Variants in RASGEF1A observed in about 807,000 individuals in gnomAD.
RASGEF1A encodes the protein ras-GEF domain-containing family member 1A.
Under a neutral mutation model 56.4 loss-of-function variants are expected in RASGEF1A, and 18 were observed. The ratio of observed to expected loss-of-function variants is 0.32; its 90% CI spans 0.22 to 0.47. RASGEF1A has a LOEUF of 0.47. Ranked by LOEUF, RASGEF1A falls within the 20% of genes least tolerant of loss-of-function variation. RASGEF1A has a pLI of 1.00. For synonymous variants in RASGEF1A, 245 were observed against 242.6 expected, an observed-to-expected ratio of 1.01 and a Z score of -0.09; for missense variants, 422 against 627.1, an observed-to-expected ratio of 0.67 and a Z score of 3.49.
At chr10:43,265,566 G>T (rs113217789) in intron 1 of RASGEF1A, among the ~76,000 whole-genome samples, 3 of 152,358 alleles carry the variant, frequency 2.0e-5, no homozygotes, top group African/African-American at 7.2e-5. Flanking sequence ...CCCCTGCTCC[G>T]GATCTCCCCT....
Position 43,207,984 on chromosome 10 carries a change from G to C in RASGEF1A, c.-6-1862C>G, listed in dbSNP as rs974986835. 3.2e-6 allele frequency: 3 copies of C among 931,032 alleles called. No homozygotes were observed. In the African/African-American group the frequency reaches 5.3e-5, roughly 17 times the overall value. 57.7% of individuals were successfully genotyped at this position (931,032 alleles called of 1,614,324 possible). A position where few individuals can be genotyped will look rare whatever the true frequency, so the allele number is the denominator to read the frequency against. On this transcript the variant is annotated intron_variant, in intron 1 of 12. Transcript: ENST00000395810. ...CTGTTGACCCACAAAGCCAGAAGTG[G>C]CTGTATCATTCACCTGTGTATCCTA...
At chr10:43,251,578 T>A (rs1840628008) in intron 1 of RASGEF1A, among the ~76,000 whole-genome samples, 1 of 152,138 alleles carries the variant, frequency 6.6e-6, no homozygotes, top group Non-Finnish European at 1.5e-5. Flanking sequence ...AAAATTGAGA[T>A]GTCAGCCCAG....
At chr10:43,265,428 G>C (rs1374979731) in intron 1 of RASGEF1A, among the ~76,000 whole-genome samples, 1 of 152,226 alleles carries the variant, frequency 6.6e-6, no homozygotes, top group African/African-American at 2.4e-5. Flanking sequence ...TCAGGAGCAG[G>C]GAGTGTGGGC....
At chr10:43,251,789 A>G (rs1252633854) in intron 1 of RASGEF1A, among the ~76,000 whole-genome samples, 2 of 152,202 alleles carry the variant, frequency 1.3e-5, no homozygotes, top group African/African-American at 4.8e-5. Context: ...CCACCCCTCC[A>G]GGACTGTGAG....
At chr10:43,242,166 A>C (rs1374791036) in intron 1 of RASGEF1A, among the ~76,000 whole-genome samples, 1 of 152,188 alleles carries the variant, frequency 6.6e-6, no homozygotes, top group African/African-American at 2.4e-5. Flanking sequence ...GAAAGTGAAA[A>C]TATGAAAAAA....
At chr10:43,199,845 T>C in intron 6 of RASGEF1A, 77 bp from the exon 7 acceptor site, 2 of 1,190,316 alleles carry the variant, frequency 1.7e-6, no homozygotes, top group South Asian at 2.5e-5. Flanking sequence ...CTGGCCCTGG[T>C]CCCCAGCTAT....
chr10:43,243,902 C>A (rs1394464262), intron 1 of RASGEF1A, among the ~76,000 whole-genome samples: 1 of 152,134 alleles, frequency 6.6e-6, no homozygotes, highest in African/African-American at 2.4e-5. Flanking sequence ...CAGCGACCAT[C>A]GAGAATGGGC....
intron 1 of RASGEF1A, among the ~76,000 whole-genome samples, chr10:43,233,506 G>A (rs1459136528): frequency 6.6e-6 from 1 of 152,176 alleles, no homozygotes. Context: ...CTATCCAAGG[G>A]GTGATAGGCC....
intron 1 of RASGEF1A, among the ~76,000 whole-genome samples, chr10:43,233,184 C>T (rs144476897): frequency 2.6e-5 from 4 of 152,308 alleles, no homozygotes; most frequent in Non-Finnish European, 5.9e-5. Context: ...CTGGTTCATT[C>T]GTCTGCTCTC....
Position 43,266,958 on chromosome 10 carries a change from C to T in RASGEF1A, c.-120G>A, listed in dbSNP as rs1836636606. On this transcript the variant is annotated 5_prime_UTR_variant, in exon 1 of 13. Coordinates refer to ENST00000395810, the MANE Select transcript of RASGEF1A (RefSeq NM_145313.4). Reference sequence around the variant, plus strand: ...GCTCGGCGCCCGGGCCCGCGGCACCCGCCCACCCGCGGCCGCCCCCGCGCT... The same window carrying T: ...GCTCGGCGCCCGGGCCCGCGGCACCTGCCCACCCGCGGCCGCCCCCGCGCT... 1 of 146,172 alleles carries T rather than the reference C, an allele frequency of 6.8e-6. No homozygotes were observed. Among genetic ancestry groups the T allele is most frequent in the African/African-American group, 2.5e-5 (1 of 40,788 alleles). 9.1% of individuals were successfully genotyped at this position (146,172 alleles called of 1,614,324 possible).
chr10:43,201,017 G>A (rs955028543), intron 4 of RASGEF1A, 129 bp from the exon 5 acceptor site: 6 of 785,220 alleles, frequency 7.6e-6, no homozygotes, highest in African/African-American at 3.5e-5. Context: ...TATCTAAACC[G>A]CAGCCTTCAG....
At chr10:43,209,993 G>A (rs946220355) in intron 1 of RASGEF1A, among the ~76,000 whole-genome samples, 6 of 152,210 alleles carry the variant, frequency 3.9e-5, no homozygotes, top group South Asian at 2.1e-4. Context: ...AAGTGTGGCC[G>A]CTGGACCTGC....
chr10:43,198,829 G>C, intron 9 of RASGEF1A, 104 bp downstream of exon 9: 1 of 1,038,340 alleles, frequency 9.6e-7, no homozygotes, highest in South Asian at 1.3e-5. Flanking sequence ...GCTAGCCCCA[G>C]GGAGAGGAGG....
At chr10:43,263,259 C>A (rs965227675) in intron 1 of RASGEF1A, among the ~76,000 whole-genome samples, 5 of 152,064 alleles carry the variant, frequency 3.3e-5, no homozygotes, top group African/African-American at 4.8e-5. Context: ...AAATGGGTGT[C>A]TGGGAACAAG....
intron 1 of RASGEF1A, among the ~76,000 whole-genome samples, chr10:43,255,822 A>T (rs1372570639): frequency 1.3e-5 from 2 of 152,096 alleles, no homozygotes; most frequent in African/African-American, 2.4e-5. Context: ...ATTCCTGGGC[A>T]CCTGTCACCC....
At chr10:43,253,820 C>T (rs931381140) in intron 1 of RASGEF1A, among the ~76,000 whole-genome samples, 4 of 152,240 alleles carry the variant, frequency 2.6e-5, no homozygotes, top group Admixed American at 6.5e-5. Context: ...ACCTACTGGC[C>T]GAGATAAGAA....
chr10:43,242,559 G>A (rs1055849982), intron 1 of RASGEF1A, among the ~76,000 whole-genome samples: 4 of 151,312 alleles, frequency 2.6e-5, no homozygotes, highest in South Asian at 2.1e-4. Flanking sequence ...TCTTTCTACC[G>A]TCTCCCTCTC....
chr10:43,256,493 T>C (rs1836409070), intron 1 of RASGEF1A, among the ~76,000 whole-genome samples: 1 of 150,702 alleles, frequency 6.6e-6, no homozygotes, highest in Non-Finnish European at 1.5e-5. Flanking sequence ...CCAAGGGAGG[T>C]GGGTGAAGAA....
chr10:43,253,593 A>G (rs191756150), intron 1 of RASGEF1A, among the ~76,000 whole-genome samples: 7 of 152,330 alleles, frequency 4.6e-5, no homozygotes, highest in Admixed American at 3.9e-4. Context: ...AGGGGACCCA[A>G]CACCTGTGGC....
Sources: gnomAD v4.1 joint callset for allele counts (sites outside exome capture counted in the v4.1 genomes callset) on GRCh38, gnomAD v4.1.1 for gene constraint, MANE v1.5 for transcripts, NCBI Gene and HGNC (gene_info 2026-07-23, HGNC 2026-07-21) for gene names.